The following GRK4 variants were observed in gnomAD, a reference collection of about 807,000 sequenced individuals.
GRK4 encodes the protein G protein-coupled receptor kinase 4.
Under a neutral mutation model 77.9 loss-of-function variants are expected in GRK4, and 73 were observed. That is an observed-to-expected ratio of 0.94 (90% CI 0.78 to 1.14). The LOEUF (loss-of-function observed/expected upper bound fraction) is 1.14, where lower values mean the gene tolerates loss of function less well. GRK4 is among the 50% of genes most tolerant of loss of function. The probability of loss-of-function intolerance (pLI) is 0.00; values close to 1 mark genes in which losing one functional copy is unlikely to be tolerated. For missense variants in GRK4, 729 were observed against 700.2 expected (o/e 1.04, Z -0.46); for synonymous variants, 257 against 254.4 (o/e 1.01, Z -0.10).
chr4:2,965,487 C>A (rs1199456914), intron 1 of GRK4: 1 of 702,818 alleles, frequency 1.4e-6, no homozygotes, highest in Admixed American at 2.0e-5. Flanking sequence ...TCTGCTCGGA[C>A]TGTGCTCCAG....
chr4:2,998,348 C>T (rs1290237807), intron 4 of GRK4, among the ~76,000 whole-genome samples: 2 of 151,094 alleles, frequency 1.3e-5, no homozygotes, highest in Middle Eastern at 3.4e-3. Context: ...CACAGCAAGA[C>T]TCTGTTTAAA....
rs544632486 is a variant in GRK4 at position 3,005,386 on chromosome 4, A to G, written c.443+1052A>G. On this transcript the variant is annotated intron_variant, in intron 5 of 15. Transcript: ENST00000398052. ...AAAGAGAGGGAAGATGGGGTCCAGG[A>G]GATGAGCCGGCGAGGCCGTTGCAGC... Among the ~76,000 whole-genome samples the G allele has an allele frequency of 7.9e-5, 12 of 152,008 alleles. No individual in the cohort carries two copies. The East Asian group carries it at 9.7e-4, about 12-fold the overall frequency.
intron 1 of GRK4, among the ~76,000 whole-genome samples, chr4:2,972,411 G>T (rs894193348): frequency 6.6e-6 from 1 of 152,126 alleles, no homozygotes; most frequent in Non-Finnish European, 1.5e-5. Context: ...GCCAAACAGC[G>T]GGGACGTGGA....
At chr4:2,988,993 A>G (rs1423175391) in intron 3 of GRK4, among the ~76,000 whole-genome samples, 154 bp downstream of exon 3, 1 of 151,986 alleles carries the variant, frequency 6.6e-6, no homozygotes, top group Non-Finnish European at 1.5e-5. Flanking sequence ...GACCATCCTG[A>G]CCAACACAGT....
At chr4:2,991,555 G>C (rs1007267706) in intron 3 of GRK4, among the ~76,000 whole-genome samples, 2 of 152,182 alleles carry the variant, frequency 1.3e-5, no homozygotes, top group African/African-American at 2.4e-5. Context: ...CTGTTGCCCA[G>C]GCTGGAGTGT....
Position 3,019,823 on chromosome 4 carries a change from T to G in GRK4, c.924T>G (p.Ile308Met). The change falls in exon 9 of 16, where the codon ATT becomes ATG. Residue 308 changes from isoleucine to methionine, a missense_variant. Transcript: ENST00000398052. ...TGGAAGATTTACAGAGGGAAAGAAT[T>G]GTATACAGGTAAGAACGGTGCTACC... ...CGLEDLQRER[I>M]VYRDLKPENI... 6.2e-7 allele frequency: 1 copy of G among 1,613,812 alleles called. No individual in the cohort carries two copies.
intron 5 of GRK4, among the ~76,000 whole-genome samples, chr4:3,006,547 A>C (rs958119452): frequency 3.3e-5 from 5 of 152,212 alleles, no homozygotes; most frequent in Admixed American, 2.6e-4. Context: ...TGGGAGGCCA[A>C]GGCAGAAGGA....
intron 1 of GRK4, chr4:2,969,079 G>A (rs1196133540): frequency 6.6e-6 from 1 of 152,264 alleles, no homozygotes; most frequent in Non-Finnish European, 1.5e-5. Context: ...GACATAGTAA[G>A]CAGGCATAGG....
intron 2 of GRK4, chr4:2,986,966 T>C (rs1442449457): frequency 3.1e-6 from 1 of 319,710 alleles, no homozygotes; most frequent in Non-Finnish European, 6.2e-6. Flanking sequence ...GAAGATATAA[T>C]TCATATGCCA....
chr4:3,038,693 G>A lies in GRK4; in HGVS notation c.1683+180G>A, dbSNP rs1332403962. ...CAGCCAGAACAATGAGAACACCCTC[G>A]CAGTGAGGTTTGTTGCTGGGATGAA... On this transcript the variant is annotated intron_variant, in intron 15 of 15. Coordinates refer to ENST00000398052, the MANE Select transcript of GRK4 (RefSeq NM_182982.3). 1.7e-5 allele frequency: 10 copies of A among 592,834 alleles called. No individual in the cohort carries two copies. In the Admixed American group the frequency reaches 1.8e-4, roughly 11 times the overall value. The allele number at this position is 592,834 out of a possible 1,614,324, so 36.7% of individuals were successfully genotyped here.
At chr4:3,004,192 A>G in intron 4 of GRK4, 39 bp from the exon 5 acceptor site, 1 of 1,339,968 alleles carries the variant, frequency 7.5e-7, no homozygotes, top group Non-Finnish European at 1.1e-6. Context: ...AAGTTATGAA[A>G]TCACTAATGG....
chr4:2,973,489 A>G (rs1720184308), intron 1 of GRK4, among the ~76,000 whole-genome samples: 1 of 152,064 alleles, frequency 6.6e-6, no homozygotes, highest in African/African-American at 2.4e-5. Context: ...CCTCATTGGT[A>G]CGAGAAAGAG....
chr4:3,032,138 A>C (rs561488874), intron 12 of GRK4, among the ~76,000 whole-genome samples: 21 of 152,278 alleles, frequency 1.4e-4, no homozygotes, highest in Admixed American at 3.9e-4. Flanking sequence ...TCTGCCCCTA[A>C]GAGCTCACAG....
At chr4:2,974,630 G>C (rs1215876251) in intron 1 of GRK4, among the ~76,000 whole-genome samples, 2 of 152,240 alleles carry the variant, frequency 1.3e-5, no homozygotes, top group African/African-American at 2.4e-5. Flanking sequence ...GATCAGACAG[G>C]AGGGCTTTAT....
intron 8 of GRK4, among the ~76,000 whole-genome samples, chr4:3,017,885 A>G (rs1362299598): frequency 1.3e-5 from 2 of 152,204 alleles, no homozygotes; most frequent in Non-Finnish European, 2.9e-5. Context: ...ATATGAAAAT[A>G]TTAAAAGCTT....
intron 8 of GRK4, among the ~76,000 whole-genome samples, chr4:3,018,865 C>G (rs917290535): frequency 6.6e-6 from 1 of 152,094 alleles, no homozygotes; most frequent in African/African-American, 2.4e-5. Context: ...GGCGACAGAG[C>G]AAGACTGTGT....
rs1042299109 is a variant in GRK4 at position 3,037,420 on chromosome 4, C to T, written c.1454C>T (p.Ser485Leu). The T allele has an allele frequency of 6.2e-6, 10 of 1,611,388 alleles. No individual in the cohort carries two copies. The highest frequency in any genetic ancestry group is 1.7e-5 in the Admixed American group (1 of 59,938). The change falls in exon 14 of 16, where the codon TCG becomes TTG. Residue 485 changes from serine to leucine, a missense_variant. By Grantham distance (145) the Ser-to-Leu change is moderately radical. Coordinates refer to ENST00000398052, the MANE Select transcript of GRK4 (RefSeq NM_182982.3). ...GACGTCCTGGATATCGAGCAGTTCT[C>T]GGTGGTGAAAGGGATCTACCTGGAC... ...CKDVLDIEQF[S>L]VVKGIYLDTA...
At chr4:3,022,380 G>T in intron 9 of GRK4, 34 bp from the exon 10 acceptor site, 1 of 1,609,188 alleles carries the variant, frequency 6.2e-7, no homozygotes, top group Non-Finnish European at 8.5e-7. Context: ...GCCAACTTCT[G>T]AATAATTGGG....
intron 10 of GRK4, 22 bp from the exon 11 acceptor site, chr4:3,027,890 A>G: frequency 6.2e-7 from 1 of 1,602,390 alleles, no homozygotes; most frequent in South Asian, 1.1e-5. Context: ...TGACCTGTGT[A>G]ATAACATATT....
Sources: gnomAD v4.1 joint callset for allele counts (sites outside exome capture counted in the v4.1 genomes callset) on GRCh38, gnomAD v4.1.1 for gene constraint, MANE v1.5 for transcripts, NCBI Gene and HGNC (gene_info 2026-07-23, HGNC 2026-07-21) for gene names.